ZC3H14: variants seen among roughly 807,000 people sequenced by gnomAD.
The protein encoded by ZC3H14 is zinc finger CCCH domain-containing protein 14.
ZC3H14 carries 31 observed loss-of-function variants against 92.4 expected under a neutral mutation model. The ratio of observed to expected loss-of-function variants is 0.34; its 90% CI spans 0.25 to 0.45. The LOEUF (loss-of-function observed/expected upper bound fraction) is 0.45. Ranked by LOEUF, ZC3H14 falls within the 20% of genes least tolerant of loss-of-function variation. ZC3H14 has a pLI of 1.00. For missense variants in ZC3H14, 781 were observed against 897.3 expected (o/e 0.87, Z 1.66); for synonymous variants, 321 against 300.9 (o/e 1.07, Z -0.69).
At position 88,563,474 on chromosome 14, in the gene ZC3H14, G is replaced by A. The variant is rs140164117; in HGVS notation, c.37-177G>A. 3.5e-3 allele frequency: 5,123 copies of A among 1,477,342 alleles called. 25 individuals carry two copies. Among genetic ancestry groups the A allele is most frequent in the Middle Eastern group, 0.025 (104 of 4,084 alleles). 91.5% of individuals were successfully genotyped at this position (1,477,342 alleles called of 1,614,324 possible). A position where few individuals can be genotyped will look rare whatever the true frequency, so the allele number is the denominator to read the frequency against. ...GCGGGAGGTGGGCGCCGCGGGGCTGGGGCTGGAGCTGGAGTGGGGTGCGGG... is the reference window on the plus strand; with the variant it reads ...GCGGGAGGTGGGCGCCGCGGGGCTGAGGCTGGAGCTGGAGTGGGGTGCGGG... On this transcript the variant is annotated intron_variant, in intron 1 of 16. Coordinates refer to ENST00000251038, the MANE Select transcript of ZC3H14 (RefSeq NM_024824.5).
chr14:88,601,677 C>T (rs1566965998), intron 10 of ZC3H14, among the ~76,000 whole-genome samples: 1 of 152,182 alleles, frequency 6.6e-6, no homozygotes. Context: ...GAACCTTTCT[C>T]TGCTGTGGTT....
chr14:88,596,855 C>A, intron 10 of ZC3H14, 47 bp downstream of exon 10: 2 of 1,504,514 alleles, frequency 1.3e-6, no homozygotes, highest in Non-Finnish European at 1.9e-6. Flanking sequence ...TTTCAGTTGC[C>A]ATTTCCATTT....
chr14:88,618,319 A>G lies in ZC3H14; in HGVS notation c.*6568A>G. 6.2e-7 allele frequency: 1 copy of G among 1,613,632 alleles called. No individual in the cohort carries two copies. Among genetic ancestry groups the G allele is most frequent in the Non-Finnish European group, 8.5e-7 (1 of 1,179,808 alleles). ...ACTTCATAGACATGCCGTTTATAGC[A>G]GCCACTAGAGACCTTTTTCATCAGA... On this transcript the variant is annotated 3_prime_UTR_variant, in exon 17 of 17. Coordinates refer to ENST00000251038, the MANE Select transcript of ZC3H14 (RefSeq NM_024824.5).
Position 88,574,812 on chromosome 14 carries a change from C to T in ZC3H14, c.981C>T (p.Ser327=). Residue 327 remains serine (S), a synonymous_variant, in exon 7 of 17, where the codon AGC becomes AGT. Transcript: ENST00000251038. ...ATGATTACGGGTCTCGAACAGGAAG[C>T]ATCTCCAGCAGTGTGTCTGTGCCTG... The part of the protein sequence containing the change: ...EDDDYGSRTG[S]ISSSVSVPAK... 6.2e-7 allele frequency: 1 copy of T among 1,614,222 alleles called. No homozygotes were observed. Among genetic ancestry groups the T allele is most frequent in the Non-Finnish European group, 8.5e-7 (1 of 1,180,034 alleles).
At position 88,614,970 on chromosome 14, in the gene ZC3H14, A is replaced by G. The variant is rs1032038957; in HGVS notation, c.*3219A>G. The G allele has an allele frequency of 5.3e-5, 8 of 152,238 alleles. No homozygotes were observed. The highest frequency in any genetic ancestry group is 1.9e-4 in the African/African-American group (8 of 41,480). 9.4% of individuals were successfully genotyped at this position (152,238 alleles called of 1,614,324 possible). A position where few individuals can be genotyped will look rare whatever the true frequency, so the allele number is the denominator to read the frequency against. ...TTACATGTTAAACAAATGTGTATAT[A>G]TTAGACTACATTAAATATGCAATTC... is the stretch of plus-strand genomic sequence containing the variant. On this transcript the variant is annotated 3_prime_UTR_variant, in exon 17 of 17. Transcript: ENST00000251038.
rs976920969 is a variant in ZC3H14, at chr14:88,619,137, G to A, written c.*7386G>A. The stretch of plus-strand genomic sequence containing the variant: ...TCCCAGAACTTTGGGAAGCGGAGGC[G>A]GGCAGATCACCTGAGGTCGAGAGTT... On this transcript the variant is annotated 3_prime_UTR_variant, in exon 17 of 17. Transcript: ENST00000251038. The A allele has an allele frequency of 3.5e-5, 6 of 172,688 alleles. No individual in the cohort carries two copies. The highest frequency in any genetic ancestry group is 1.6e-4 in the South Asian group (1 of 6,246). 10.7% of individuals were successfully genotyped at this position (172,688 alleles called of 1,614,324 possible).
chr14:88,566,020 A>ACCCC (rs1471025186), intron 2 of ZC3H14, among the ~76,000 whole-genome samples: 3 of 3,534 alleles, frequency 8.5e-4, no homozygotes, highest in Non-Finnish European at 2.1e-3. Context: ...GGCACCTGCC[A>ACCCC]CCACCCCGCC....
Position 88,588,321 on chromosome 14 carries a change from C to CA in ZC3H14, c.1280-8412dup, listed in dbSNP as rs201435123. ...TCAGTGCATTTCTCCGTTTTGTAAT[C>CA]ACGTCACAAAGAAACTCCTTAAGAA... On this transcript the variant is annotated intron_variant, in intron 9 of 16. Transcript: ENST00000251038. Among the ~76,000 whole-genome samples, 1,120 of 152,302 alleles carry CA rather than the reference C, an allele frequency of 7.4e-3. 17 individuals carry two copies. The highest frequency in any genetic ancestry group is 0.026 in the African/African-American group (1,072 of 41,546).
chr14:88,618,538 G>A lies in ZC3H14; in HGVS notation c.*6787G>A, dbSNP rs2088168720. On this transcript the variant is annotated 3_prime_UTR_variant, in exon 17 of 17. Coordinates refer to ENST00000251038, the MANE Select transcript of ZC3H14 (RefSeq NM_024824.5). ...AGCTGTAGGTCAGAAGGTACAAAGGGAGGAGTTGAGAAGCTGGAGCTCTGG... is the reference window on the plus strand; with the variant it reads ...AGCTGTAGGTCAGAAGGTACAAAGGAAGGAGTTGAGAAGCTGGAGCTCTGG... The A allele has an allele frequency of 1.6e-6, 2 of 1,282,272 alleles. No homozygotes were observed. Among genetic ancestry groups the A allele is most frequent in the East Asian group, 5.0e-5 (2 of 39,794 alleles). 79.4% of individuals were successfully genotyped at this position (1,282,272 alleles called of 1,614,324 possible).
At chr14:88,593,419 C>CCCTTTT (rs2083402554) in intron 9 of ZC3H14, among the ~76,000 whole-genome samples, 1 of 152,090 alleles carries the variant, frequency 6.6e-6, no homozygotes, top group African/African-American at 2.4e-5. Flanking sequence ...CTGAGAATAG[C>CCCTTTT]CAAAACTATT....
At chr14:88,585,956 G>T (rs2082423734) in intron 9 of ZC3H14, among the ~76,000 whole-genome samples, 3 of 152,050 alleles carry the variant, frequency 2.0e-5, no homozygotes, top group African/African-American at 7.2e-5. Flanking sequence ...ATCACCTGAG[G>T]TCAGGAGTTC....
chr14:88,601,930 A>G lies in ZC3H14; in HGVS notation c.1361A>G (p.Tyr454Cys). Reference protein sequence around the residue: ...AETLQMSQDYYDMESMVHADT... With the variant: ...AETLQMSQDYCDMESMVHADT... ...GCCAATTTTTTTGGCTCAGATTACT[A>G]TGACATGGAATCCATGGTCCATGCA... The change falls in exon 11 of 17, where the codon TAT becomes TGT. Residue 454 changes from tyrosine to cysteine, a missense_variant. Transcript: ENST00000251038. 3 of 1,614,068 alleles carry G rather than the reference A, an allele frequency of 1.9e-6. No homozygotes were observed. The highest frequency in any genetic ancestry group is 1.1e-5 in the South Asian group (1 of 91,084).
chr14:88,588,701 A>G (rs957288560), intron 9 of ZC3H14, among the ~76,000 whole-genome samples: 4 of 151,952 alleles, frequency 2.6e-5, no homozygotes, highest in African/African-American at 9.7e-5. Flanking sequence ...TTGTTTTAAA[A>G]TTTGCTGTCC....
intron 7 of ZC3H14, among the ~76,000 whole-genome samples, 174 bp from the exon 8 acceptor site, chr14:88,575,666 G>C (rs146733109): frequency 2.0e-5 from 3 of 151,898 alleles, no homozygotes; most frequent in Admixed American, 6.6e-5. Context: ...GGGTGAGAGA[G>C]TAAGAGTCTG....
chr14:88,566,068 C>T (rs904022761), intron 2 of ZC3H14, among the ~76,000 whole-genome samples: 9 of 127,552 alleles, frequency 7.1e-5, no homozygotes, highest in Admixed American at 4.6e-4. Context: ...TTAGTGGAGA[C>T]GGTGTTTCAC....
intron 10 of ZC3H14, among the ~76,000 whole-genome samples, chr14:88,598,391 C>T (rs1202584222): frequency 1.3e-5 from 2 of 152,092 alleles, no homozygotes; most frequent in African/African-American, 2.4e-5. Flanking sequence ...CAGAGTTCTG[C>T]GAGCTTAAGT....
intron 12 of ZC3H14, 133 bp from the exon 13 acceptor site, chr14:88,607,110 G>C (rs2085530736): frequency 2.2e-6 from 3 of 1,374,316 alleles, no homozygotes; most frequent in Non-Finnish European, 3.0e-6. Context: ...CCCATAATTT[G>C]AGCTCACTTA....
At chr14:88,580,955 C>G (rs2081839640) in intron 9 of ZC3H14, among the ~76,000 whole-genome samples, 1 of 152,060 alleles carries the variant, frequency 6.6e-6, no homozygotes, top group Non-Finnish European at 1.5e-5. Context: ...AAATGTGAGC[C>G]AAGAATTTAA....
intron 9 of ZC3H14, chr14:88,592,446 A>T (rs1006471215): frequency 6.7e-6 from 1 of 150,044 alleles, no homozygotes; most frequent in South Asian, 2.1e-4. Flanking sequence ...TGTTACTGTG[A>T]CATCTATTTG....
Sources: allele counts gnomAD v4.1 joint callset (sites outside exome capture counted in the v4.1 genomes callset), GRCh38; gene constraint gnomAD v4.1.1; transcripts MANE v1.5; gene names NCBI Gene and HGNC (gene_info 2026-07-23, HGNC 2026-07-21).